NRG3: variants seen among roughly 807,000 people sequenced by gnomAD.
The protein encoded by NRG3 is pro-neuregulin-3, membrane-bound isoform.
Under a neutral mutation model 66.9 loss-of-function variants are expected in NRG3, and 31 were observed. The ratio of observed to expected loss-of-function variants is 0.46; its 90% CI spans 0.35 to 0.63. The LOEUF (loss-of-function observed/expected upper bound fraction) is 0.63. Ranked by LOEUF, NRG3 falls within the 20% of genes least tolerant of loss-of-function variation. The probability of loss-of-function intolerance (pLI) is 0.00; values close to 1 mark genes in which losing one functional copy is unlikely to be tolerated. For missense variants in NRG3, 910 were observed against 878.9 expected (o/e 1.04, Z -0.45); for synonymous variants, 393 against 359.4 (o/e 1.09, Z -1.06).
intron 2 of NRG3, among the ~76,000 whole-genome samples, chr10:82,391,835 G>A (rs2086386773): frequency 6.6e-6 from 1 of 151,588 alleles, no homozygotes; most frequent in South Asian, 2.1e-4. Context: ...CCCTTTCTAG[G>A]TACCTACAGG....
At chr10:82,309,052 C>T (rs548255226) in intron 1 of NRG3, among the ~76,000 whole-genome samples, 2 of 152,114 alleles carry the variant, frequency 1.3e-5, no homozygotes, top group African/African-American at 2.4e-5. Context: ...CATCATTTTT[C>T]TTCTTGGGAT....
chr10:82,502,506 A>G (rs946164266), intron 2 of NRG3, among the ~76,000 whole-genome samples: 2 of 152,224 alleles, frequency 1.3e-5, no homozygotes, highest in Non-Finnish European at 2.9e-5. Context: ...AATTTTATTA[A>G]TTAAATATTA....
At chr10:82,322,143 T>C (rs2081611759) in intron 1 of NRG3, among the ~76,000 whole-genome samples, 1 of 152,220 alleles carries the variant, frequency 6.6e-6, no homozygotes, top group African/African-American at 2.4e-5. Flanking sequence ...ATCTAATGCA[T>C]AGAGGCAACA....
At chr10:82,532,200 G>A (rs946106538) in intron 2 of NRG3, among the ~76,000 whole-genome samples, 4 of 151,574 alleles carry the variant, frequency 2.6e-5, no homozygotes, top group African/African-American at 9.7e-5. Flanking sequence ...GTTAACTAAT[G>A]TTGCCCTATT....
intron 2 of NRG3, among the ~76,000 whole-genome samples, chr10:82,374,463 A>G (rs545972558): frequency 3.9e-5 from 6 of 152,186 alleles, no homozygotes; most frequent in Admixed American, 6.5e-5. Context: ...GATTCTCAAG[A>G]TCTTCCTCTG....
intron 2 of NRG3, among the ~76,000 whole-genome samples, chr10:82,408,115 GA>G (rs1165458434): frequency 1.4e-5 from 2 of 139,278 alleles, no homozygotes; most frequent in Non-Finnish European, 3.1e-5. Flanking sequence ...AAGAAAGAAA[GA>G]AAGAAAGAAA....
At chr10:82,648,239 C>A (rs1350566007) in intron 2 of NRG3, among the ~76,000 whole-genome samples, 4 of 152,120 alleles carry the variant, frequency 2.6e-5, no homozygotes, top group African/African-American at 9.7e-5. Context: ...CCAGTTTTCC[C>A]AGCACCATTT....
intron 4 of NRG3, among the ~76,000 whole-genome samples, chr10:82,871,899 GT>G (rs1841379028): frequency 6.6e-6 from 1 of 151,686 alleles, no homozygotes; most frequent in Non-Finnish European, 1.5e-5. Flanking sequence ...TGTACATTTT[GT>G]TTCCTTTTCT....
chr10:82,620,365 GATAATTTT>G, intron 2 of NRG3, among the ~76,000 whole-genome samples: 1 of 152,270 alleles, frequency 6.6e-6, no homozygotes, highest in Non-Finnish European at 1.5e-5. Flanking sequence ...AATGGAGGTA[GATAATTTT>G]ATTCAGCGAA....
At chr10:82,528,359 A>G (rs1302712576) in intron 2 of NRG3, among the ~76,000 whole-genome samples, 1 of 151,188 alleles carries the variant, frequency 6.6e-6, no homozygotes, top group Non-Finnish European at 1.5e-5. Flanking sequence ...ACAACAGGAA[A>G]TTTTTAAAAA....
At chr10:82,781,904 A>T (rs778156885) in intron 3 of NRG3, among the ~76,000 whole-genome samples, 1 of 152,150 alleles carries the variant, frequency 6.6e-6, no homozygotes, top group Non-Finnish European at 1.5e-5. Context: ...AAAATCCTGC[A>T]AATGTAATTA....
intron 1 of NRG3, among the ~76,000 whole-genome samples, chr10:82,358,404 A>AT (rs1426630608): frequency 1.3e-5 from 2 of 152,220 alleles, no homozygotes; most frequent in African/African-American, 4.8e-5. Flanking sequence ...TCAATCCTTC[A>AT]TACAACATGT....
Position 81,875,731 on chromosome 10 carries a change from A to G in NRG3, c.391A>G (p.Thr131Ala). The change falls in exon 1 of 9, where the codon ACC becomes GCC. Residue 131 changes from threonine to alanine, a missense_variant. Physicochemically the swap from Thr to Ala is moderately conservative, Grantham distance 58. Coordinates refer to ENST00000372141, the MANE Select transcript of NRG3 (RefSeq NM_001010848.4). This position sits in a 1 kb window ranked among gnomAD's most constrained non-coding sequence, Gnocchi z 5.3. ...FPKAMETTTT[T>A]TSTTSPATPS... ...CAAGGCCATGGAGACCACCACCACT[A>G]CCACTTCCACCACGTCCCCCGCCAC... 2 of 1,612,226 alleles carry G rather than the reference A, an allele frequency of 1.2e-6. No individual in the cohort carries two copies. The highest frequency in any genetic ancestry group is 1.7e-6 in the Non-Finnish European group (2 of 1,179,690).
At chr10:82,277,600 C>G (rs1376763008) in intron 1 of NRG3, among the ~76,000 whole-genome samples, 1 of 151,966 alleles carries the variant, frequency 6.6e-6, no homozygotes, top group South Asian at 2.1e-4. Context: ...CTATTCATGC[C>G]TCATTCCTTT....
chr10:82,800,708 G>A (rs938622667), intron 3 of NRG3, among the ~76,000 whole-genome samples: 2 of 152,172 alleles, frequency 1.3e-5, no homozygotes, highest in South Asian at 2.1e-4. Flanking sequence ...CAAACAAGCT[G>A]CAAAGTACCA....
chr10:82,934,052 G>T (rs192446105), intron 4 of NRG3, among the ~76,000 whole-genome samples: 2 of 152,154 alleles, frequency 1.3e-5, no homozygotes, highest in Non-Finnish European at 2.9e-5. Flanking sequence ...TCTAGGAACT[G>T]GTTAGTCCTG....
At chr10:82,740,701 G>A (rs1215814882) in intron 3 of NRG3, among the ~76,000 whole-genome samples, 1 of 150,742 alleles carries the variant, frequency 6.6e-6, no homozygotes, top group Non-Finnish European at 1.5e-5. Flanking sequence ...GCAAGTGCCT[G>A]TAGTCTCAGC....
chr10:82,709,518 A>G (rs2056528059), intron 2 of NRG3, among the ~76,000 whole-genome samples: 1 of 151,908 alleles, frequency 6.6e-6, no homozygotes, highest in South Asian at 2.1e-4. Context: ...AGTAGCTGGG[A>G]CTACAAGTGT....
intron 2 of NRG3, among the ~76,000 whole-genome samples, chr10:82,527,198 G>A (rs1218903157): frequency 1.3e-5 from 2 of 151,692 alleles, no homozygotes; most frequent in African/African-American, 4.8e-5. Context: ...TACAACAAAT[G>A]GAGAAAATAC....
Sources: allele counts gnomAD v4.1 joint callset (sites outside exome capture counted in the v4.1 genomes callset), GRCh38; gene constraint gnomAD v4.1.1; non-coding constraint Gnocchi (gnomAD v3.1); transcripts MANE v1.5; gene names NCBI Gene and HGNC (gene_info 2026-07-23, HGNC 2026-07-21).